Variants in SLC24A2 observed in about 807,000 individuals in gnomAD.
SLC24A2 encodes solute carrier family 24 member 2, also known as sodium/potassium/calcium exchanger 2.
Under a neutral mutation model 62.0 loss-of-function variants are expected in SLC24A2, and 36 were observed. The observed-to-expected ratio is 0.58, with a 90% confidence interval of 0.44 to 0.77. The LOEUF (loss-of-function observed/expected upper bound fraction) is 0.77, where lower values mean the gene tolerates loss of function less well. Ranked by LOEUF, SLC24A2 falls within the 30% of genes least tolerant of loss-of-function variation. SLC24A2 has a pLI of 0.00. For synonymous variants in SLC24A2, 358 were observed against 294.0 expected (o/e 1.22, Z -2.23); for missense variants, 846 against 817.9 (o/e 1.03, Z -0.42).
chr9:19,689,374 G>A (rs1819977652), intron 2 of SLC24A2, among the ~76,000 whole-genome samples: 1 of 152,156 alleles, frequency 6.6e-6, no homozygotes, highest in African/African-American at 2.4e-5. Context: ...GTCTCAATAA[G>A]ATTGATACAG....
chr9:20,114,219 C>A, the SLC24A2 span, among the ~76,000 whole-genome samples: 1 of 152,060 alleles, frequency 6.6e-6, no homozygotes, highest in African/African-American at 2.4e-5. Context: ...AGGAAACTAT[C>A]TGAGGTCAAG....
At chr9:19,545,099 A>G (rs1045941048) in intron 8 of SLC24A2, among the ~76,000 whole-genome samples, 1 of 151,976 alleles carries the variant, frequency 6.6e-6, no homozygotes, top group African/African-American at 2.4e-5. Context: ...ACATAGTCCC[A>G]TATTTCTTGG....
chr9:20,280,187 C>A, the SLC24A2 span, among the ~76,000 whole-genome samples: 2 of 152,122 alleles, frequency 1.3e-5, no homozygotes, highest in South Asian at 2.1e-4. Context: ...AATGGGGCTC[C>A]GAAGAAAGTT....
the SLC24A2 span, among the ~76,000 whole-genome samples, chr9:20,116,896 C>T: frequency 3.9e-5 from 6 of 152,190 alleles, no homozygotes; most frequent in Non-Finnish European, 8.8e-5. Context: ...ACAAAAGCAG[C>T]CACAGTCAGG....
chr9:20,245,635 T>C, the SLC24A2 span, among the ~76,000 whole-genome samples: 5 of 152,166 alleles, frequency 3.3e-5, no homozygotes, highest in East Asian at 7.7e-4. Context: ...TCAGATGTTG[T>C]GTTAAAAGGT....
chr9:19,575,431 A>C (rs930648217), intron 6 of SLC24A2, among the ~76,000 whole-genome samples: 1 of 152,264 alleles, frequency 6.6e-6, no homozygotes, highest in Non-Finnish European at 1.5e-5. Flanking sequence ...AAGAACAGAG[A>C]TGAACAGATG....
the SLC24A2 span, among the ~76,000 whole-genome samples, chr9:20,151,780 T>C: frequency 6.6e-6 from 1 of 151,894 alleles, no homozygotes; most frequent in South Asian, 2.1e-4. Flanking sequence ...TGGTTCACTT[T>C]CATCTTTTGC....
the SLC24A2 span, among the ~76,000 whole-genome samples, chr9:19,869,055 C>G: frequency 1.3e-5 from 2 of 152,148 alleles, no homozygotes; most frequent in African/African-American, 2.4e-5. Context: ...GAACACGGCT[C>G]ACTGCAGCCT....
At chr9:19,722,233 C>A (rs916735895) in intron 2 of SLC24A2, among the ~76,000 whole-genome samples, 4 of 152,046 alleles carry the variant, frequency 2.6e-5, no homozygotes, top group Admixed American at 2.0e-4. Context: ...AATGCTGAAA[C>A]AGAGGAAATC....
At position 19,619,674 on chromosome 9, in the gene SLC24A2, G is replaced by A. The variant is rs1444111756; in HGVS notation, c.988C>T (p.Arg330Ter). 3 of 1,613,646 alleles carry A rather than the reference G, an allele frequency of 1.9e-6. No individual in the cohort carries two copies. Among genetic ancestry groups the A allele is most frequent in the African/African-American group, 1.3e-5 (1 of 74,980 alleles). ...PTLPAKPRLQ[R>*]GGSSASLHNS... ...TGGAGGGAGGCAGAGCTTCCACCTC[G>A]CTGGAGACGCGGCTTAGCCTGAGCA... Residue 330 changes from arginine (R) to a stop codon, truncating the protein, a stop_gained, in exon 4 of 11, where the codon CGA (arginine) becomes TGA (stop). Coordinates refer to ENST00000341998, the MANE Select transcript of SLC24A2 (RefSeq NM_020344.4). LOFTEE classifies it high-confidence loss of function.
At chr9:19,870,999 C>G in the SLC24A2 span, among the ~76,000 whole-genome samples, 6 of 151,760 alleles carry the variant, frequency 4.0e-5, no homozygotes, top group Admixed American at 2.6e-4. Flanking sequence ...ATGTACAAAA[C>G]TTTTAATTTT....
chr9:19,690,186 C>T lies in SLC24A2; in HGVS notation c.931-67887G>A, dbSNP rs77348891. On this transcript the variant is annotated intron_variant, in intron 2 of 10. Coordinates refer to ENST00000341998, the MANE Select transcript of SLC24A2 (RefSeq NM_020344.4). Reference sequence around the variant, plus strand: ...TTATACATGTAGCTTTATACAAACACACACACACGCGCATGCATACACACA... The same window carrying T: ...TTATACATGTAGCTTTATACAAACATACACACACGCGCATGCATACACACA... Among the ~76,000 whole-genome samples, 674 of 152,190 alleles carry T rather than the reference C, an allele frequency of 4.4e-3. 4 individuals carry two copies. The highest frequency in any genetic ancestry group is 7.8e-3 in the Non-Finnish European group (528 of 67,996).
At chr9:20,100,291 G>A in the SLC24A2 span, among the ~76,000 whole-genome samples, 3 of 152,016 alleles carry the variant, frequency 2.0e-5, no homozygotes, top group Non-Finnish European at 4.4e-5. Flanking sequence ...GGACTTCCAG[G>A]CTCAAGCCAT....
At chr9:20,150,583 C>A in the SLC24A2 span, among the ~76,000 whole-genome samples, 1 of 137,654 alleles carries the variant, frequency 7.3e-6, no homozygotes, top group Non-Finnish European at 1.5e-5. Context: ...TCTTGGACTA[C>A]AAACTCTATT....
chr9:20,021,656 C>T, the SLC24A2 span, among the ~76,000 whole-genome samples: 16 of 152,052 alleles, frequency 1.1e-4, no homozygotes, highest in Non-Finnish European at 1.9e-4. Flanking sequence ...GACAATTCTG[C>T]CCATTTGCCT....
chr9:20,230,783 G>C, the SLC24A2 span, among the ~76,000 whole-genome samples: 11 of 152,234 alleles, frequency 7.2e-5, no homozygotes, highest in Admixed American at 3.3e-4. Flanking sequence ...ATTGCTTTTG[G>C]TGTTTTAGAC....
rs1564009895 is a variant in SLC24A2 at position 19,636,342 on chromosome 9, T to TTC, written c.931-14044_931-14043insGA. ...TTCTTTCTTTCTTTCTTTCTTTCTT[T>TTC]CTTTCTTTCTTTCTTTCTTTCTTTC... is the stretch of plus-strand genomic sequence containing the variant. On this transcript the variant is annotated intron_variant, in intron 2 of 10. Coordinates refer to ENST00000341998, the MANE Select transcript of SLC24A2 (RefSeq NM_020344.4). 5.6e-4 allele frequency among the ~76,000 whole-genome samples: 20 copies of TTC among 35,930 alleles called. 1 individual carries two copies. The highest frequency in any genetic ancestry group is 1.1e-3 in the South Asian group (1 of 898). 23.6% of individuals were successfully genotyped at this position (35,930 alleles called of 152,430 possible).
chr9:19,851,217 G>A, the SLC24A2 span, among the ~76,000 whole-genome samples: 1 of 149,380 alleles, frequency 6.7e-6, no homozygotes, highest in African/African-American at 2.5e-5. Context: ...TAGAGATGGG[G>A]TTTCACGATG....
the SLC24A2 span, among the ~76,000 whole-genome samples, chr9:20,273,360 C>A: frequency 6.6e-6 from 1 of 152,158 alleles, no homozygotes; most frequent in Non-Finnish European, 1.5e-5. Flanking sequence ...ACAGAGATGC[C>A]AAGAAGAATC....
Sources: gnomAD v4.1 joint callset for allele counts (sites outside exome capture counted in the v4.1 genomes callset) on GRCh38, gnomAD v4.1.1 for gene constraint, MANE v1.5 for transcripts, NCBI Gene and HGNC (gene_info 2026-07-23, HGNC 2026-07-21) for gene names.